The following CFAP46 variants were observed in gnomAD, a reference collection of about 807,000 sequenced individuals.
The protein encoded by CFAP46 is cilia and flagella associated protein 46, also known as cilia- and flagella-associated protein 46.
In CFAP46, 245 loss-of-function variants were observed where a neutral mutation model predicts 325.7. The observed-to-expected ratio is 0.75, with a 90% CI of 0.68 to 0.84. The LOEUF is 0.84. Ranked by LOEUF, CFAP46 falls within the 40% of genes least tolerant of loss-of-function variation. The pLI is 0.00. For synonymous variants in CFAP46, 1,523 were observed against 1,495.9 expected (o/e 1.02, Z -0.42); for missense variants, 3,346 against 3,543.0 (o/e 0.94, Z 1.41).
chr10:132,863,906 CAG>C (rs1848762234), intron 35 of CFAP46, among the ~76,000 whole-genome samples: 1 of 147,166 alleles, frequency 6.8e-6, no homozygotes, highest in Admixed American at 6.8e-5. Context: ...CACCTGTCCC[CAG>C]TGCCTGAGAC....
chr10:132,892,609 A>G (rs191856191), intron 24 of CFAP46, among the ~76,000 whole-genome samples, 192 bp from the exon 25 acceptor site: 1 of 152,350 alleles, frequency 6.6e-6, no homozygotes, highest in Non-Finnish European at 1.5e-5. Flanking sequence ...TTAACAATCT[A>G]CAGCCAATTA....
chr10:132,906,199 C>T (rs565539121), intron 22 of CFAP46, among the ~76,000 whole-genome samples: 7 of 152,370 alleles, frequency 4.6e-5, no homozygotes, highest in Middle Eastern at 3.4e-3. Context: ...TGGGGCACCA[C>T]GCATGGCAGT....
rs550700179 is a variant in CFAP46, at chr10:132,885,120, C to T, written c.3610G>A (p.Ala1204Thr). The T allele has an allele frequency of 2.6e-6, 4 of 1,548,162 alleles. No individual in the cohort carries two copies. The highest frequency in any genetic ancestry group is 2.4e-5 in the East Asian group (1 of 40,854). The change falls in exon 27 of 58, where the codon GCC becomes ACC. Residue 1204 changes from alanine (A) to threonine (T), a missense_variant. Transcript: ENST00000368586. Reference protein sequence around the residue: ...VSGELACYNNAIQALQKPEME... With the variant: ...VSGELACYNNTIQALQKPEME... ...CTTCACACCTGCAAGGCCTGGATGG[C>T]GTTGTTGTAGCAGGCCAGCTCTCCA... is the stretch of plus-strand genomic sequence containing the variant.
chr10:132,822,768 T>A (rs1847898570), intron 50 of CFAP46, among the ~76,000 whole-genome samples: 2 of 142,494 alleles, frequency 1.4e-5, no homozygotes, highest in Non-Finnish European at 3.0e-5. Flanking sequence ...TGCTGATGTG[T>A]GCTGTGTGTG....
At chr10:132,846,654 T>C (rs1848441977) in intron 43 of CFAP46, among the ~76,000 whole-genome samples, 1 of 152,256 alleles carries the variant, frequency 6.6e-6, no homozygotes, top group East Asian at 1.9e-4. Flanking sequence ...CGATCCTCTG[T>C]GGGACCTCTG....
chr10:132,911,548 G>A (rs1849541281), intron 19 of CFAP46, among the ~76,000 whole-genome samples: 2 of 152,174 alleles, frequency 1.3e-5, no homozygotes, highest in South Asian at 4.1e-4. Flanking sequence ...GTTCCCCACA[G>A]ACTCCCTTGA....
chr10:132,874,229 C>T (rs568562533), intron 31 of CFAP46, among the ~76,000 whole-genome samples: 4 of 152,292 alleles, frequency 2.6e-5, no homozygotes, highest in African/African-American at 4.8e-5. Flanking sequence ...GCACACACCC[C>T]GGAAACAAGT....
rs148107424 is a variant in CFAP46 at position 132,922,512 on chromosome 10, C to T, written c.1453G>A (p.Ala485Thr). ...CTTLYQAPER[A>T]EDKAIMAVEQ... ...ACGGCCATGATGGCCTTGTCCTCTG[C>T]GCGCTCAGGGGCCTGGTATAGCGTG... Residue 485 changes from alanine (A) to threonine (T), a missense_variant, in exon 12 of 58, where the codon GCA becomes ACA. By Grantham distance (58) the Ala-to-Thr change is moderately conservative (BLOSUM62 0). Coordinates refer to ENST00000368586, the MANE Select transcript of CFAP46 (RefSeq NM_001200049.3). 178 of 1,545,232 alleles carry T rather than the reference C, an allele frequency of 1.2e-4. No homozygotes were observed. In the African/African-American group the frequency reaches 1.4e-3, roughly 12 times the overall value.
intron 28 of CFAP46, 107 bp from the exon 29 acceptor site, chr10:132,879,738 G>T: frequency 8.7e-7 from 1 of 1,152,938 alleles, no homozygotes; most frequent in Non-Finnish European, 1.2e-6. Context: ...CCGGTGCCTC[G>T]CGGACACCCG....
Position 132,860,933 on chromosome 10 carries a change from T to G in CFAP46, c.4940A>C (p.Gln1647Pro), listed in dbSNP as rs1848713029. The change falls in exon 36 of 58, where the codon CAG (glutamine) becomes CCG (proline). Residue 1647 changes from glutamine to proline, a missense_variant. By Grantham distance (76) the Gln-to-Pro change is moderately conservative (BLOSUM62 -1). Coordinates refer to ENST00000368586, the MANE Select transcript of CFAP46 (RefSeq NM_001200049.3). The stretch of plus-strand genomic sequence containing the variant: ...ATAGTTTTTCTCCTTGTTGGCCAAC[T>G]GTGCGAGGAGGAGCAGGCACTGGGC... ...AEAQCLLLLAQLANKEKNYGQ... is the reference protein window; with the variant it reads ...AEAQCLLLLAPLANKEKNYGQ... 1.3e-6 allele frequency: 2 copies of G among 1,550,574 alleles called. No individual in the cohort carries two copies. The highest frequency in any genetic ancestry group is 2.7e-5 in the African/African-American group (2 of 73,064).
At chr10:132,920,486 C>T (rs1054481246) in intron 13 of CFAP46, among the ~76,000 whole-genome samples, 1 of 152,198 alleles carries the variant, frequency 6.6e-6, no homozygotes, top group African/African-American at 2.4e-5. Flanking sequence ...TGTCCAGCTG[C>T]CCTCCAAGCA....
At chr10:132,913,841 C>G (rs12773225) in intron 17 of CFAP46, among the ~76,000 whole-genome samples, 3 of 151,722 alleles carry the variant, frequency 2.0e-5, no homozygotes, top group African/African-American at 7.3e-5. Flanking sequence ...CTCCACCCAG[C>G]CCCCCGCCGG....
At chr10:132,829,551 C>A (rs561230831) in intron 50 of CFAP46, among the ~76,000 whole-genome samples, 1 of 152,188 alleles carries the variant, frequency 6.6e-6, no homozygotes, top group Non-Finnish European at 1.5e-5. Context: ...CTACTCCGGC[C>A]GGGATCTCCA....
intron 50 of CFAP46, among the ~76,000 whole-genome samples, chr10:132,822,508 GTGCTGA>G (rs1847884488): frequency 7.8e-6 from 1 of 128,662 alleles, no homozygotes; most frequent in Admixed American, 7.8e-5. Context: ...TGTGTGCTGT[GTGCTGA>G]TGTGTGCTGA....
intron 17 of CFAP46, 119 bp from the exon 18 acceptor site, chr10:132,913,377 G>GCTGT: frequency 1.8e-6 from 1 of 563,794 alleles, no homozygotes; most frequent in Non-Finnish European, 3.1e-6. Flanking sequence ...GGAGGGGCGG[G>GCTGT]TGGGCGGCGA....
intron 38 of CFAP46, among the ~76,000 whole-genome samples, chr10:132,858,822 G>A (rs1202263824): frequency 2.0e-5 from 3 of 152,170 alleles, no homozygotes; most frequent in Admixed American, 6.5e-5. Flanking sequence ...GAAGGTGTGG[G>A]CAGCCGCAGG....
At chr10:132,809,053 G>T in intron 57 of CFAP46, 149 bp from the exon 58 acceptor site, 1 of 811,468 alleles carries the variant, frequency 1.2e-6, no homozygotes, top group Admixed American at 3.0e-5. Context: ...CCTCCAGGGC[G>T]CCCCCACCAC....
rs1309679836 is a variant in CFAP46 at position 132,886,785 on chromosome 10, G to T, written c.3305-826C>A. Among the ~76,000 whole-genome samples the T allele has an allele frequency of 6.6e-6, 1 of 152,234 alleles. No homozygotes were observed. The highest frequency in any genetic ancestry group is 1.9e-4 in the East Asian group (1 of 5,176). Reference sequence around the variant, plus strand: ...AAAACATCAAACCAAGGCCATGGAGGCCCCACCTCGGGAAGGGGTGCTGAG... The same window carrying T: ...AAAACATCAAACCAAGGCCATGGAGTCCCCACCTCGGGAAGGGGTGCTGAG... On this transcript the variant is annotated intron_variant, in intron 25 of 57. Coordinates refer to ENST00000368586, the MANE Select transcript of CFAP46 (RefSeq NM_001200049.3). This position sits in a 1 kb window ranked among gnomAD's most constrained non-coding sequence, Gnocchi z 5.8.
intron 11 of CFAP46, among the ~76,000 whole-genome samples, chr10:132,923,334 A>C (rs1591093567): frequency 8.6e-6 from 1 of 115,792 alleles, no homozygotes; most frequent in Non-Finnish European, 1.8e-5. Flanking sequence ...GTGCCCTGGA[A>C]CCCCTGGCCT....
Sources: gnomAD v4.1 joint callset for allele counts (sites outside exome capture counted in the v4.1 genomes callset) on GRCh38, gnomAD v4.1.1 for gene constraint, Gnocchi (gnomAD v3.1) non-coding constraint, MANE v1.5 for transcripts, NCBI Gene and HGNC (gene_info 2026-07-23, HGNC 2026-07-21) for gene names.